Variants in LTBP1 observed in about 807,000 individuals in gnomAD.
LTBP1 encodes latent-transforming growth factor beta-binding protein 1.
Under a neutral mutation model 207.6 loss-of-function variants are expected in LTBP1, and 129 were observed. The observed-to-expected ratio is 0.62, with a 90% CI of 0.54 to 0.72. LTBP1 has a LOEUF of 0.72. LTBP1 is among the 30% of genes least tolerant of loss of function. The pLI is 0.00. For synonymous variants in LTBP1, 963 were observed against 833.7 expected (o/e 1.16, Z -2.67); for missense variants, 2,281 against 2,217.2 (o/e 1.03, Z -0.58).
At chr2:33,286,086 C>A (rs539806470) in intron 19 of LTBP1, among the ~76,000 whole-genome samples, 2 of 152,124 alleles carry the variant, frequency 1.3e-5, no homozygotes, top group Non-Finnish European at 2.9e-5. Context: ...ATGCAGCTAG[C>A]CTTTTGGGGG....
At chr2:33,332,305 G>A (rs940265254) in intron 24 of LTBP1, among the ~76,000 whole-genome samples, 12 of 149,040 alleles carry the variant, frequency 8.1e-5, no homozygotes, top group Non-Finnish European at 1.6e-4. Flanking sequence ...GGCTGAGGTG[G>A]GAGGATCATT....
chr2:33,222,224 A>G (rs2091155891), intron 9 of LTBP1, 73 bp downstream of exon 9: 1 of 1,078,872 alleles, frequency 9.3e-7, no homozygotes, highest in Admixed American at 1.7e-5. Context: ...GTTGTTTGCC[A>G]CGGCTTGCTC....
chr2:32,963,498 A>C (rs1357247077), intron 2 of LTBP1, among the ~76,000 whole-genome samples: 1 of 152,124 alleles, frequency 6.6e-6, no homozygotes, highest in Non-Finnish European at 1.5e-5. Flanking sequence ...GGTGTGAGCC[A>C]CTGCACCTGA....
intron 2 of LTBP1, among the ~76,000 whole-genome samples, chr2:32,981,627 G>T (rs1682776199): frequency 1.3e-5 from 2 of 152,118 alleles, no homozygotes; most frequent in South Asian, 4.1e-4. Flanking sequence ...CTCTGATATG[G>T]TTTGGCCATG....
chr2:33,268,283 T>C (rs2093234254), intron 15 of LTBP1, among the ~76,000 whole-genome samples: 1 of 152,228 alleles, frequency 6.6e-6, no homozygotes, highest in Non-Finnish European at 1.5e-5. Flanking sequence ...TCAGGAATAT[T>C]GCATAATAAT....
At chr2:33,288,381 A>G (rs1017603528) in intron 19 of LTBP1, among the ~76,000 whole-genome samples, 8 of 152,206 alleles carry the variant, frequency 5.3e-5, no homozygotes, top group Non-Finnish European at 8.8e-5. Context: ...CCAGGATATT[A>G]GGAAGGGAAA....
chr2:33,222,856 T>A (rs960139854), intron 9 of LTBP1, among the ~76,000 whole-genome samples: 1 of 152,224 alleles, frequency 6.6e-6, no homozygotes, highest in Non-Finnish European at 1.5e-5. Context: ...ATATATGATA[T>A]CATATTTTGT....
intron 31 of LTBP1, among the ~76,000 whole-genome samples, chr2:33,370,045 T>G (rs931863842): frequency 1.1e-4 from 16 of 151,520 alleles, no homozygotes; most frequent in Admixed American, 3.3e-4. Context: ...CCCCATGACC[T>G]TGTTAATTTT....
intron 2 of LTBP1, among the ~76,000 whole-genome samples, chr2:32,993,872 G>C (rs111597454): frequency 5.7e-4 from 87 of 152,220 alleles, no homozygotes; most frequent in African/African-American, 2.0e-3. Flanking sequence ...CTTGATGTTG[G>C]GCATTCCTGC....
intron 2 of LTBP1, among the ~76,000 whole-genome samples, chr2:32,951,215 C>T (rs1558426662): frequency 6.6e-6 from 1 of 152,226 alleles, no homozygotes; most frequent in Non-Finnish European, 1.5e-5. Flanking sequence ...AATGTGACAT[C>T]ACTTTCCTTT....
At chr2:33,262,336 G>T (rs991284588) in intron 13 of LTBP1, among the ~76,000 whole-genome samples, 3 of 152,120 alleles carry the variant, frequency 2.0e-5, no homozygotes, top group African/African-American at 4.8e-5. Context: ...CATCTTAGTG[G>T]GGCAGAGCCA....
chr2:32,951,811 T>A (rs1039893769), intron 2 of LTBP1, among the ~76,000 whole-genome samples: 2 of 152,238 alleles, frequency 1.3e-5, no homozygotes, highest in Non-Finnish European at 2.9e-5. Flanking sequence ...TTGTCGATGA[T>A]TTGGTTTTCT....
intron 2 of LTBP1, among the ~76,000 whole-genome samples, chr2:32,977,850 G>A (rs1371726731): frequency 1.3e-5 from 2 of 152,164 alleles, no homozygotes; most frequent in Non-Finnish European, 2.9e-5. Context: ...TGGATGATCA[G>A]CTTGTAGGAT....
chr2:33,128,091 G>A (rs1558672497), intron 4 of LTBP1, among the ~76,000 whole-genome samples: 2 of 152,176 alleles, frequency 1.3e-5, no homozygotes, highest in Non-Finnish European at 2.9e-5. Flanking sequence ...ATGGCCCCCT[G>A]TTTAGCTTGT....
chr2:33,112,628 C>T (rs1367599494), intron 4 of LTBP1, among the ~76,000 whole-genome samples: 3 of 152,124 alleles, frequency 2.0e-5, no homozygotes, highest in Admixed American at 1.3e-4. Flanking sequence ...GGCCAGAGCT[C>T]TACTGAGAGC....
At chr2:33,184,777 TTC>T (rs1296893820) in intron 5 of LTBP1, among the ~76,000 whole-genome samples, 105 of 89,276 alleles carry the variant, frequency 1.2e-3, no homozygotes, top group African/African-American at 3.5e-3. Context: ...ATTCAGTATT[TTC>T]TGTTTTTTTT....
chr2:33,299,651 G>T (rs1292015011), intron 20 of LTBP1, among the ~76,000 whole-genome samples: 1 of 152,166 alleles, frequency 6.6e-6, no homozygotes. Flanking sequence ...CACTGACAAG[G>T]CAAGACAGAA....
intron 3 of LTBP1, among the ~76,000 whole-genome samples, chr2:33,030,008 C>T (rs2075617464): frequency 6.6e-6 from 1 of 152,108 alleles, no homozygotes. Context: ...CTACTGTAGA[C>T]ACAGAATTTA....
intron 3 of LTBP1, among the ~76,000 whole-genome samples, chr2:33,034,076 G>A (rs2075809041): frequency 6.6e-6 from 1 of 152,024 alleles, no homozygotes; most frequent in African/African-American, 2.4e-5. Context: ...TGGCTGTTAG[G>A]GCATCTTTCT....
Sources: gnomAD v4.1 joint callset for allele counts (sites outside exome capture counted in the v4.1 genomes callset) on GRCh38, gnomAD v4.1.1 for gene constraint, MANE v1.5 for transcripts, NCBI Gene and HGNC (gene_info 2026-07-23, HGNC 2026-07-21) for gene names.